Variants in LRRN3 observed in about 807,000 individuals in gnomAD.
LRRN3 encodes the protein leucine-rich repeat neuronal protein 3.
A neutral mutation model predicts 40.1 loss-of-function variants in LRRN3; 15 were observed. That is an observed-to-expected ratio of 0.37 (90% CI 0.25 to 0.58). The LOEUF is 0.58. Ranked by LOEUF, LRRN3 falls within the 20% of genes least tolerant of loss-of-function variation. LRRN3 has a pLI of 0.72. For synonymous variants in LRRN3, 308 were observed against 297.2 expected, an observed-to-expected ratio of 1.04 and a Z score of -0.37; for missense variants, 746 against 837.7, an observed-to-expected ratio of 0.89 and a Z score of 1.35.
chr7:111,095,622 C>A (rs1480327090), intron 1 of LRRN3, among the ~76,000 whole-genome samples: 1 of 151,718 alleles, frequency 6.6e-6, no homozygotes, highest in African/African-American at 2.4e-5. Flanking sequence ...AGAGTTTTGC[C>A]CTGTTTTTAA....
chr7:111,094,901 A>C (rs1157195110), intron 1 of LRRN3, among the ~76,000 whole-genome samples: 3 of 152,086 alleles, frequency 2.0e-5, no homozygotes. Context: ...AAGGAATGGA[A>C]GGTCTCAATA....
At chr7:111,099,328 T>C (rs1170103063) in intron 1 of LRRN3, among the ~76,000 whole-genome samples, 1 of 151,692 alleles carries the variant, frequency 6.6e-6, no homozygotes, top group African/African-American at 2.4e-5. Flanking sequence ...GAAAATAGTC[T>C]GAATACAATT....
At chr7:111,114,618 C>T (rs1221321693) in intron 2 of LRRN3, among the ~76,000 whole-genome samples, 1 of 151,606 alleles carries the variant, frequency 6.6e-6, no homozygotes, top group Non-Finnish European at 1.5e-5. Context: ...TGCCTGTAAT[C>T]CCAGCCACTT....
At chr7:111,115,274 T>C (rs1298481469) in intron 2 of LRRN3, among the ~76,000 whole-genome samples, 2 of 151,940 alleles carry the variant, frequency 1.3e-5, no homozygotes, top group African/African-American at 4.8e-5. Context: ...TAGGAAAAAA[T>C]ATAAGCATCA....
At position 111,111,955 on chromosome 7, in the gene LRRN3, T is replaced by G. The variant is rs1165287628; in HGVS notation, c.-358-10460T>G. On this transcript the variant is annotated intron_variant, in intron 2 of 2. Transcript: ENST00000308478. Reference sequence around the variant, plus strand: ...TATATATAGTTTGTTTTTTTTTTTTTTTTTTTTTTTGAGATGGAGTCTTGC... The same window carrying G: ...TATATATAGTTTGTTTTTTTTTTTTGTTTTTTTTTTGAGATGGAGTCTTGC... 3.0e-5 allele frequency among the ~76,000 whole-genome samples: 4 copies of G among 135,408 alleles called. No individual in the cohort carries two copies. In the South Asian group the frequency reaches 1.0e-3, roughly 34 times the overall value. 88.8% of individuals were successfully genotyped at this position (135,408 alleles called of 152,430 possible). A position where few individuals can be genotyped will look rare whatever the true frequency, so the allele number is the denominator to read the frequency against.
intron 2 of LRRN3, among the ~76,000 whole-genome samples, chr7:111,104,591 GA>G (rs1798338015): frequency 6.6e-6 from 1 of 151,404 alleles, no homozygotes; most frequent in Non-Finnish European, 1.5e-5. Context: ...CTAAATAACA[GA>G]AAAGTCTCAT....
In LRRN3 at chr7:111,101,890, C is replaced by T. The variant is rs1798020426; in HGVS notation, c.-359+1928C>T. Reference sequence around the variant, plus strand: ...TCATTTCTTGGCAGTCAGGTGATATCTGTAGAGTACTAGGTTATGTATCCT... The same window carrying T: ...TCATTTCTTGGCAGTCAGGTGATATTTGTAGAGTACTAGGTTATGTATCCT... On this transcript the variant is annotated intron_variant, in intron 2 of 2. Transcript: ENST00000308478. Among the ~76,000 whole-genome samples, 3 of 151,552 alleles carry T rather than the reference C, an allele frequency of 2.0e-5. 1 individual carries two copies. The South Asian group carries it at 6.2e-4, about 31-fold the overall frequency.
At chr7:111,094,199 T>C (rs1797166197) in intron 1 of LRRN3, among the ~76,000 whole-genome samples, 1 of 152,170 alleles carries the variant, frequency 6.6e-6, no homozygotes, top group Non-Finnish European at 1.5e-5. Flanking sequence ...TGGTATTTAT[T>C]ACAATCTAAG....
intron 2 of LRRN3, among the ~76,000 whole-genome samples, chr7:111,113,345 T>C (rs4730477): frequency 1.3e-5 from 2 of 151,952 alleles, no homozygotes; most frequent in Admixed American, 6.5e-5. Context: ...CCTCCTGAGA[T>C]TGATAAAAGC....
intron 2 of LRRN3, among the ~76,000 whole-genome samples, chr7:111,119,483 G>A (rs1800316751): frequency 6.6e-6 from 1 of 152,134 alleles, no homozygotes; most frequent in African/African-American, 2.4e-5. Context: ...GAAGAATAAA[G>A]CACAGATATA....
At chr7:111,095,414 G>A (rs1797299490) in intron 1 of LRRN3, among the ~76,000 whole-genome samples, 1 of 151,592 alleles carries the variant, frequency 6.6e-6, no homozygotes, top group Non-Finnish European at 1.5e-5. Flanking sequence ...AACCTCCTAT[G>A]TGCAAAAAAT....
intron 2 of LRRN3, among the ~76,000 whole-genome samples, chr7:111,109,743 C>G (rs1798972703): frequency 6.6e-6 from 1 of 152,160 alleles, no homozygotes; most frequent in Non-Finnish European, 1.5e-5. Context: ...TGAATTTGTA[C>G]ATTGTAGCAC....
chr7:111,102,684 T>C (rs1798101370), intron 2 of LRRN3, among the ~76,000 whole-genome samples: 2 of 151,576 alleles, frequency 1.3e-5, no homozygotes, highest in African/African-American at 4.8e-5. Flanking sequence ...TGAAGTTTCA[T>C]ACCTATCTAA....
At chr7:111,095,276 T>A (rs1230276514) in intron 1 of LRRN3, among the ~76,000 whole-genome samples, 3 of 151,992 alleles carry the variant, frequency 2.0e-5, no homozygotes. Flanking sequence ...TATAATGTAA[T>A]ACATTATACT....
intron 2 of LRRN3, among the ~76,000 whole-genome samples, chr7:111,112,099 C>T (rs1270026314): frequency 6.6e-6 from 1 of 151,486 alleles, no homozygotes; most frequent in Non-Finnish European, 1.5e-5. Flanking sequence ...AGGCGCATGC[C>T]ACCACACCCG....
chr7:111,109,685 G>A (rs1461398593), intron 2 of LRRN3, among the ~76,000 whole-genome samples: 1 of 152,140 alleles, frequency 6.6e-6, no homozygotes, highest in Admixed American at 6.5e-5. Context: ...TGCACATGCT[G>A]ACAGGATTAT....
At chr7:111,105,094 C>T (rs1798396676) in intron 2 of LRRN3, among the ~76,000 whole-genome samples, 2 of 151,844 alleles carry the variant, frequency 1.3e-5, no homozygotes, top group Admixed American at 1.3e-4. Context: ...CTAAAGGTCT[C>T]ATTGAGACAA....
intron 2 of LRRN3, among the ~76,000 whole-genome samples, chr7:111,112,093 G>A (rs113140676): frequency 0.026 from 3,871 of 151,200 alleles, 159 homozygotes; most frequent in African/African-American, 0.087. Context: ...GTTTACAGGC[G>A]CATGCCACCA....
At chr7:111,115,623 TGA>T (rs1799789687) in intron 2 of LRRN3, among the ~76,000 whole-genome samples, 1 of 151,790 alleles carries the variant, frequency 6.6e-6, no homozygotes, top group East Asian at 1.9e-4. Context: ...CGTATTAGGG[TGA>T]GACATTTGCA....
Sources: gnomAD v4.1 joint callset for allele counts (sites outside exome capture counted in the v4.1 genomes callset) on GRCh38, gnomAD v4.1.1 for gene constraint, MANE v1.5 for transcripts, NCBI Gene and HGNC (gene_info 2026-07-23, HGNC 2026-07-21) for gene names.